Variants in FMO4 observed in about 807,000 individuals in gnomAD.
The protein encoded by FMO4 is dimethylaniline monooxygenase [N-oxide-forming] 4.
In FMO4, 38 loss-of-function variants were observed where a neutral mutation model predicts 43.3. The ratio of observed to expected loss-of-function variants is 0.88; its 90% CI spans 0.68 to 1.15. The LOEUF is 1.15. FMO4 is among the 50% of genes most tolerant of loss of function. The pLI is 0.00. For missense variants in FMO4, 631 were observed against 663.3 expected, an observed-to-expected ratio of 0.95 and a Z score of 0.54; for synonymous variants, 224 against 232.2, an observed-to-expected ratio of 0.96 and a Z score of 0.32.
chr1:171,338,657 C>G (rs774965412), intron 9 of FMO4, among the ~76,000 whole-genome samples: 3 of 152,166 alleles, frequency 2.0e-5, no homozygotes, highest in African/African-American at 7.2e-5. Context: ...AAGAGAGAAG[C>G]CTTCTCTGAC....
intron 5 of FMO4, among the ~76,000 whole-genome samples, chr1:171,327,023 G>A (rs983940446): frequency 2.0e-5 from 3 of 151,932 alleles, no homozygotes; most frequent in African/African-American, 2.4e-5. Context: ...ATGTAATTAC[G>A]GAGAATCTGT....
chr1:171,334,468 A>C lies in FMO4; in HGVS notation c.885A>C (p.Ala295=). The change falls in exon 8 of 10, where the codon GCA becomes GCC. Residue 295 remains alanine, a synonymous_variant. Coordinates refer to ENST00000367749, the MANE Select transcript of FMO4 (RefSeq NM_002022.3). ...TGCCAAACTGTATCCTCTGTGGGGC[A>C]ATCACTATGAAAACCAGCGTGATTG... is the stretch of plus-strand genomic sequence containing the variant. ...DELPNCILCG[A]ITMKTSVIEF... is the part of the protein sequence containing the mutation. 1 of 1,612,814 alleles carries C rather than the reference A, an allele frequency of 6.2e-7. No homozygotes were observed. The highest frequency in any genetic ancestry group is 8.5e-7 in the Non-Finnish European group (1 of 1,179,664).
Position 171,323,183 on chromosome 1 carries a change from TCA to T in FMO4, c.313_314del (p.Gln105ValfsTer2). 6.2e-7 allele frequency: 1 copy of T among 1,611,614 alleles called. No individual in the cohort carries two copies. Among genetic ancestry groups the T allele is most frequent in the Non-Finnish European group, 8.5e-7 (1 of 1,178,122 alleles). On this transcript the variant is annotated frameshift_variant, in exon 4 of 10. Transcript: ENST00000367749. LOFTEE classifies it high-confidence loss of function. ...AGCACTTTGACCTCCTGAAATACAT[TCA>T]GTTTAAGGTAAGATACTTTGGGTTA... ...AEHFDLLKYI[Q>X]FKTTVCSITK...
intron 5 of FMO4, among the ~76,000 whole-genome samples, chr1:171,329,540 A>G (rs1431672812): frequency 6.6e-6 from 1 of 152,192 alleles, no homozygotes; most frequent in African/African-American, 2.4e-5. Context: ...CAGTGGGAGA[A>G]ATGCTGCCAG....
chr1:171,341,985 C>T lies in FMO4; in HGVS notation c.*146C>T, dbSNP rs1414844168. On this transcript the variant is annotated 3_prime_UTR_variant, in exon 10 of 10. Coordinates refer to ENST00000367749, the MANE Select transcript of FMO4 (RefSeq NM_002022.3). ...ATCTGAATTATTGTATTATCTTCTT[C>T]TTTGTTTTCAGTACCCTCTTTCTTG... 3 of 634,716 alleles carry T rather than the reference C, an allele frequency of 4.7e-6. No individual in the cohort carries two copies. The African/African-American group carries it at 5.5e-5, about 12-fold the overall frequency. The allele number at this position is 634,716 out of a possible 1,614,324, so 39.3% of individuals were successfully genotyped here.
At position 171,339,911 on chromosome 1, in the gene FMO4, G is replaced by A. The variant is rs45552638; in HGVS notation, c.1251-1502G>A. On this transcript the variant is annotated intron_variant, in intron 9 of 9. Transcript: ENST00000367749. ...GAGAAGATTTACAACAAAACCCAGC[G>A]AGAAAAGTTTGCCTGGGCCATTGAA... Among the ~76,000 whole-genome samples, 831 of 152,300 alleles carry A rather than the reference G, an allele frequency of 5.5e-3. 8 individuals carry two copies. Among genetic ancestry groups the A allele is most frequent in the African/African-American group, 0.018 (733 of 41,560 alleles).
chr1:171,316,134 T>C (rs546668513), intron 1 of FMO4, 52 bp from the exon 2 acceptor site: 1 of 152,306 alleles, frequency 6.6e-6, no homozygotes, highest in East Asian at 1.9e-4. Context: ...CAGTATATTT[T>C]TCACTTTGGC....
intron 5 of FMO4, among the ~76,000 whole-genome samples, chr1:171,324,551 G>A (rs1479404704): frequency 1.3e-5 from 2 of 152,016 alleles, no homozygotes; most frequent in Non-Finnish European, 2.9e-5. Context: ...CAAATTCAGT[G>A]ATCACATAAG....
intron 9 of FMO4, among the ~76,000 whole-genome samples, chr1:171,339,197 C>T (rs1466222630): frequency 1.3e-5 from 2 of 152,156 alleles, no homozygotes; most frequent in East Asian, 3.8e-4. Context: ...ACATATGATG[C>T]TTTCTGGTCA....
chr1:171,332,447 G>A (rs1000811787), intron 6 of FMO4, among the ~76,000 whole-genome samples: 2 of 151,988 alleles, frequency 1.3e-5, no homozygotes, highest in African/African-American at 2.4e-5. Flanking sequence ...TCAATTCCAT[G>A]TATCTACAAA....
chr1:171,325,680 C>G (rs185111077), intron 5 of FMO4, among the ~76,000 whole-genome samples: 1 of 152,084 alleles, frequency 6.6e-6, no homozygotes, highest in South Asian at 2.1e-4. Context: ...ATAAAAACAC[C>G]TCTTATGACA....
rs1013093924 is a variant in FMO4, at chr1:171,332,879, T to G, written c.798T>G (p.His266Gln). 8.0e-6 allele frequency: 12 copies of G among 1,507,324 alleles called. No homozygotes were observed. The highest frequency in any genetic ancestry group is 1.1e-5 in the Non-Finnish European group (12 of 1,082,842). 93.4% of individuals were successfully genotyped at this position (1,507,324 alleles called of 1,614,324 possible). A position where few individuals can be genotyped will look rare whatever the true frequency, so the allele number is the denominator to read the frequency against. ...GGAAGTTGAATAAGAGATTTAATCA[T>G]GAGGATTATGGATTAAGTATTACCA... Reference protein sequence around the residue: ...QERKLNKRFNHEDYGLSITKG... With the variant: ...QERKLNKRFNQEDYGLSITKG... The change falls in exon 7 of 10, where the codon CAT (histidine) becomes CAG (glutamine). Residue 266 changes from histidine to glutamine, a missense_variant. His to Gln is a conservative substitution (Grantham distance 24, BLOSUM62 0). Transcript: ENST00000367749.
intron 3 of FMO4, among the ~76,000 whole-genome samples, chr1:171,320,168 G>A (rs555081032): frequency 6.6e-6 from 1 of 152,244 alleles, no homozygotes; most frequent in Non-Finnish European, 1.5e-5. Flanking sequence ...AGGGACAGTT[G>A]GAAGAGAGAG....
chr1:171,331,765 A>T lies in FMO4; in HGVS notation c.610A>T (p.Ser204Cys). Reference protein sequence around the residue: ...NTGGDIAVELSRTAAQVLLST... With the variant: ...NTGGDIAVELCRTAAQVLLST... The stretch of plus-strand genomic sequence containing the variant: ...TGGAGGAGACATTGCTGTGGAACTC[A>T]GTCGAACGGCAGCTCAGGTACATCA... The change falls in exon 6 of 10, where the codon AGT becomes TGT. Residue 204 changes from serine to cysteine, a missense_variant. Physicochemically the swap from Ser to Cys is moderately radical, Grantham distance 112. Transcript: ENST00000367749. 1 of 1,613,904 alleles carries T rather than the reference A, an allele frequency of 6.2e-7. No individual in the cohort carries two copies. Among genetic ancestry groups the T allele is most frequent in the Non-Finnish European group, 8.5e-7 (1 of 1,179,816 alleles).
At chr1:171,332,379 T>A (rs1662936745) in intron 6 of FMO4, among the ~76,000 whole-genome samples, 1 of 152,180 alleles carries the variant, frequency 6.6e-6, no homozygotes, top group Non-Finnish European at 1.5e-5. Context: ...AAGGTAAAAT[T>A]GCTTTTCCAT....
intron 3 of FMO4, among the ~76,000 whole-genome samples, chr1:171,321,212 T>C (rs1453323297): frequency 6.6e-6 from 1 of 152,126 alleles, no homozygotes; most frequent in Non-Finnish European, 1.5e-5. Context: ...GAAAACAATC[T>C]TGAGGTAAAC....
chr1:171,332,713 T>G lies in FMO4; in HGVS notation c.632T>G (p.Leu211Arg). ...VELSRTAAQVLLSTRTGTWVL... is the reference protein window; with the variant it reads ...VELSRTAAQVRLSTRTGTWVL... Reference sequence around the variant, plus strand: ...TTGCCTTACTTTACTTTTTAGGTACTTCTCAGTACTAGAACTGGTACCTGG... The same window carrying G: ...TTGCCTTACTTTACTTTTTAGGTACGTCTCAGTACTAGAACTGGTACCTGG... The change falls in exon 7 of 10, where the codon CTT (leucine) becomes CGT (arginine). Residue 211 changes from leucine to arginine, a missense_variant. Coordinates refer to ENST00000367749, the MANE Select transcript of FMO4 (RefSeq NM_002022.3). The G allele has an allele frequency of 6.2e-7, 1 of 1,607,174 alleles. No homozygotes were observed.
At chr1:171,328,213 T>C (rs577011041) in intron 5 of FMO4, among the ~76,000 whole-genome samples, 43 of 152,174 alleles carry the variant, frequency 2.8e-4, no homozygotes, top group African/African-American at 9.4e-4. Context: ...GATAATTTTT[T>C]TGTATTTTTA....
chr1:171,319,861 G>A lies in FMO4; in HGVS notation c.36G>A (p.Val12=), dbSNP rs776556270. 6.2e-7 allele frequency: 1 copy of A among 1,613,792 alleles called. No individual in the cohort carries two copies. The highest frequency in any genetic ancestry group is 8.5e-7 in the Non-Finnish European group (1 of 1,179,820). Residue 12 remains valine (V), a synonymous_variant, in exon 3 of 10, where the codon GTG becomes GTA. Transcript: ENST00000367749. The part of the protein sequence containing the change: ...AKKVAVIGAG[V]SGLSSIKCCV... ...AAGTTGCAGTGATTGGAGCTGGTGTGAGTGGCCTCTCCTCCATCAAATGCT... is the reference window on the plus strand; with the variant it reads ...AAGTTGCAGTGATTGGAGCTGGTGTAAGTGGCCTCTCCTCCATCAAATGCT...
Sources: allele counts gnomAD v4.1 joint callset (sites outside exome capture counted in the v4.1 genomes callset), GRCh38; gene constraint gnomAD v4.1.1; transcripts MANE v1.5; gene names NCBI Gene and HGNC (gene_info 2026-07-23, HGNC 2026-07-21).